ERICH3: variants seen among roughly 807,000 people sequenced by gnomAD.
The protein encoded by ERICH3 is glutamate-rich protein 3.
Under a neutral mutation model 131.1 loss-of-function variants are expected in ERICH3, and 126 were observed. The ratio of observed to expected loss-of-function variants is 0.96; its 90% CI spans 0.83 to 1.11. ERICH3 has a LOEUF of 1.11. Among genes scored for constraint, ERICH3 ranks in the 50% most tolerant of loss-of-function variants. The pLI, the probability that ERICH3 is intolerant of heterozygous loss-of-function variation, is 0.00. For missense variants in ERICH3, 2,050 were observed against 1,810.7 expected, an observed-to-expected ratio of 1.13 and a Z score of -2.40; for synonymous variants, 695 against 644.6, an observed-to-expected ratio of 1.08 and a Z score of -1.18.
At chr1:74,648,983 G>A (rs1157418169) in intron 2 of ERICH3, among the ~76,000 whole-genome samples, 1 of 152,142 alleles carries the variant, frequency 6.6e-6, no homozygotes, top group East Asian at 1.9e-4. Context: ...GAAATATGCT[G>A]TTGGAAAGTC....
At chr1:74,581,439 C>A (rs1254152700) in intron 12 of ERICH3, among the ~76,000 whole-genome samples, 1 of 152,108 alleles carries the variant, frequency 6.6e-6, no homozygotes, top group African/African-American at 2.4e-5. Flanking sequence ...GGTCACCTTA[C>A]AAATACCACC....
At chr1:74,619,273 C>A (rs936955470) in intron 8 of ERICH3, among the ~76,000 whole-genome samples, 2 of 152,102 alleles carry the variant, frequency 1.3e-5, no homozygotes, top group Admixed American at 1.3e-4. Flanking sequence ...TTTAGCTAAG[C>A]CTCATTCTTT....
chr1:74,649,853 C>G (rs972632702), intron 1 of ERICH3, among the ~76,000 whole-genome samples: 1 of 152,116 alleles, frequency 6.6e-6, no homozygotes, highest in Non-Finnish European at 1.5e-5. Flanking sequence ...CCTCTCTTCT[C>G]TTAGGAAACA....
chr1:74,646,545 A>T, intron 3 of ERICH3, 122 bp downstream of exon 3: 1 of 596,888 alleles, frequency 1.7e-6, no homozygotes, highest in Non-Finnish European at 2.5e-6. Flanking sequence ...CAAAAGCATT[A>T]TTAATTATCA....
intron 13 of ERICH3, among the ~76,000 whole-genome samples, chr1:74,574,115 T>C (rs1247195360): frequency 6.6e-6 from 1 of 151,794 alleles, no homozygotes; most frequent in East Asian, 1.9e-4. Context: ...CTCAGCCTCT[T>C]GGGTAGCTGG....
chr1:74,592,130 C>T (rs1392689945), intron 11 of ERICH3: 1 of 152,180 alleles, frequency 6.6e-6, no homozygotes, highest in Non-Finnish European at 1.5e-5. Context: ...AAAAAACAAA[C>T]TCAAAAAGCC....
intron 5 of ERICH3, among the ~76,000 whole-genome samples, chr1:74,638,604 T>C (rs1455123807): frequency 1.3e-5 from 2 of 152,236 alleles, no homozygotes; most frequent in Non-Finnish European, 2.9e-5. Flanking sequence ...AATATCTGTT[T>C]TCTTTTCTTC....
rs762638364 is a variant in ERICH3, at chr1:74,571,612, G to A, written c.4098C>T (p.Ala1366=). The part of the protein sequence containing the change: ...EREVLAGSET[A]EEKTIANKAS... ...CTTTATTTGCTATTGTTTTCTCCTC[G>A]GCTGTCTCCGAACCTGCCAACACCT... The change falls in exon 14 of 15, where the codon GCC becomes GCT. Residue 1366 remains alanine, a synonymous_variant. Transcript: ENST00000326665. 1.2e-6 allele frequency: 2 copies of A among 1,613,950 alleles called. No individual in the cohort carries two copies. Among genetic ancestry groups the A allele is most frequent in the Admixed American group, 1.7e-5 (1 of 60,010 alleles).
At chr1:74,629,848 G>C (rs1019305156) in intron 7 of ERICH3, among the ~76,000 whole-genome samples, 1 of 152,100 alleles carries the variant, frequency 6.6e-6, no homozygotes, top group African/African-American at 2.4e-5. Context: ...GCATATAAGC[G>C]ATAGAACTCT....
chr1:74,576,443 A>G (rs1388056316), intron 13 of ERICH3, among the ~76,000 whole-genome samples: 1 of 152,182 alleles, frequency 6.6e-6, no homozygotes, highest in Admixed American at 6.5e-5. Context: ...CCGCTGCACA[A>G]TCAAGTGTTA....
chr1:74,634,796 CCTTTGAGTTTT>C (rs1646373784), intron 6 of ERICH3: 1 of 622,980 alleles, frequency 1.6e-6, no homozygotes. Context: ...TAGCCAAAGA[CCTTTGAGTTTT>C]CTGGTACCTT....
At position 74,572,420 on chromosome 1, in the gene ERICH3, T is replaced by C; in HGVS notation, c.3290A>G (p.Lys1097Arg). 6.2e-7 allele frequency: 1 copy of C among 1,613,916 alleles called. No homozygotes were observed. Among genetic ancestry groups the C allele is most frequent in the Non-Finnish European group, 8.5e-7 (1 of 1,180,010 alleles). Residue 1097 changes from lysine (K) to arginine (R), a missense_variant, in exon 14 of 15, where the codon AAA becomes AGA. Physicochemically the swap from Lys to Arg is conservative, Grantham distance 26. Coordinates refer to ENST00000326665, the MANE Select transcript of ERICH3 (RefSeq NM_001002912.5). ...TGTTTCCCCTTCTTCCGCTTTAAGTTTTTGCTCTTCTTTAAAAGCATCTTC... is the reference window on the plus strand; with the variant it reads ...TGTTTCCCCTTCTTCCGCTTTAAGTCTTTGCTCTTCTTTAAAAGCATCTTC... ...KDEDAFKEEQ[K>R]LKAEEGETET...
chr1:74,593,819 T>C (rs1647718186), intron 11 of ERICH3, among the ~76,000 whole-genome samples: 1 of 152,156 alleles, frequency 6.6e-6, no homozygotes, highest in African/African-American at 2.4e-5. Flanking sequence ...ACCTAGTAAG[T>C]AGCAAGTTTT....
intron 8 of ERICH3, among the ~76,000 whole-genome samples, chr1:74,614,283 G>C (rs933940003): frequency 6.6e-6 from 1 of 150,836 alleles, no homozygotes; most frequent in Non-Finnish European, 1.5e-5. Context: ...GGCATAGAAG[G>C]CTCCCCCAAA....
chr1:74,581,327 C>T (rs1647173978), intron 12 of ERICH3, among the ~76,000 whole-genome samples: 2 of 152,066 alleles, frequency 1.3e-5, no homozygotes, highest in Non-Finnish European at 2.9e-5. Flanking sequence ...TTATACATTT[C>T]TTAAAGTCTG....
chr1:74,579,995 G>T (rs1162949280), intron 12 of ERICH3: 7 of 625,976 alleles, frequency 1.1e-5, no homozygotes, highest in Non-Finnish European at 1.4e-5. Context: ...TACAATGTCA[G>T]CTTTTTAGTA....
chr1:74,590,013 A>C lies in ERICH3; in HGVS notation c.1794T>G (p.Ser598=). 6.2e-7 allele frequency: 1 copy of C among 1,613,902 alleles called. No individual in the cohort carries two copies. The highest frequency in any genetic ancestry group is 8.5e-7 in the Non-Finnish European group (1 of 1,179,884). ...HPYSSDSEDE[S]AVGDREAHTD... ...TGTGGGCTTCCCTGTCCCCCACTGC[A>C]GATTCATCCTCACTGTCACTAGAAT... is the stretch of plus-strand genomic sequence containing the variant. The change falls in exon 12 of 15, where the codon TCT becomes TCG. Residue 598 remains serine, a synonymous_variant. Transcript: ENST00000326665.
At position 74,605,868 on chromosome 1, in the gene ERICH3, A is replaced by G. The variant is rs1051576042; in HGVS notation, c.1489+733T>C. ...GCTGTTGGAAAAATGATGCTGATAG[A>G]CTTTGGTGCAGGGTTGCCACAAACT... On this transcript the variant is annotated intron_variant, in intron 10 of 14. Coordinates refer to ENST00000326665, the MANE Select transcript of ERICH3 (RefSeq NM_001002912.5). 1.1e-4 allele frequency among the ~76,000 whole-genome samples: 17 copies of G among 152,024 alleles called. No homozygotes were observed. The South Asian group carries it at 2.5e-3, about 22-fold the overall frequency.
chr1:74,662,051 T>C (rs1646647061), intron 1 of ERICH3, among the ~76,000 whole-genome samples: 1 of 152,204 alleles, frequency 6.6e-6, no homozygotes, highest in Admixed American at 6.5e-5. Flanking sequence ...CCCACACTCC[T>C]GACTACAGTT....
Sources: allele counts gnomAD v4.1 joint callset (sites outside exome capture counted in the v4.1 genomes callset), GRCh38; gene constraint gnomAD v4.1.1; transcripts MANE v1.5; gene names NCBI Gene and HGNC (gene_info 2026-07-23, HGNC 2026-07-21).